Variants in FCRL3 observed in about 807,000 individuals in gnomAD.
FCRL3 encodes Fc receptor like 3.
Under a neutral mutation model 75.0 loss-of-function variants are expected in FCRL3, and 89 were observed. The ratio of observed to expected loss-of-function variants is 1.19; its 90% confidence interval spans 1.00 to 1.42. FCRL3 has a LOEUF of 1.42. Ranked by LOEUF, FCRL3 falls within the 40% of genes most tolerant of loss-of-function variation. The probability of loss-of-function intolerance (pLI) is 0.00; values close to 1 mark genes in which losing one functional copy is unlikely to be tolerated. For missense variants in FCRL3, 946 were observed against 880.0 expected, an observed-to-expected ratio of 1.07 and a Z score of -0.95; for synonymous variants, 376 against 348.5, an observed-to-expected ratio of 1.08 and a Z score of -0.88.
intron 11 of FCRL3, 42 bp from the exon 12 acceptor site, chr1:157,681,141 G>A: frequency 1.5e-6 from 2 of 1,306,072 alleles, no homozygotes; most frequent in East Asian, 2.5e-5. Context: ...AGTATCTGTG[G>A]GTTACACAGA....
Position 157,695,441 on chromosome 1 carries a change from T to C in FCRL3, c.1299A>G (p.Gly433=), listed in dbSNP as rs1446573678. Residue 433 remains glycine (G), a synonymous_variant, in exon 8 of 15, where the codon GGA becomes GGG. Transcript: ENST00000368184. ...TCAGAGAGAGGTTGAAGGAGGCTCC[T>C]CCTCCAGAGGGGGCTGAGCTGTTCC... ...TLGNSSAPSG[G]GASFNLSLTA... The C allele has an allele frequency of 1.2e-6, 2 of 1,614,156 alleles. No individual in the cohort carries two copies. Among genetic ancestry groups the C allele is most frequent in the South Asian group, 2.2e-5 (2 of 91,084 alleles).
intron 10 of FCRL3, among the ~76,000 whole-genome samples, chr1:157,686,398 A>G (rs1655178821): frequency 6.6e-6 from 1 of 152,182 alleles, no homozygotes; most frequent in African/African-American, 2.4e-5. Flanking sequence ...TATTCCTATC[A>G]AATTACCAAT....
At chr1:157,698,008 C>G in intron 4 of FCRL3, 89 bp from the exon 5 acceptor site, 1 of 1,426,596 alleles carries the variant, frequency 7.0e-7, no homozygotes, top group Non-Finnish European at 9.4e-7. Flanking sequence ...AGCCACAGTT[C>G]TATACACACC....
At chr1:157,682,271 G>T (rs1479194808) in intron 11 of FCRL3, among the ~76,000 whole-genome samples, 2 of 152,096 alleles carry the variant, frequency 1.3e-5, no homozygotes, top group South Asian at 4.2e-4. Context: ...GTCAATTTTG[G>T]CTTTTGTTGC....
intron 11 of FCRL3, among the ~76,000 whole-genome samples, chr1:157,683,014 A>G (rs1419475851): frequency 1.3e-5 from 2 of 152,238 alleles, no homozygotes; most frequent in African/African-American, 4.8e-5. Context: ...AGCCAATAAC[A>G]TGTATTGTGT....
At chr1:157,686,614 G>T (rs545351009) in intron 10 of FCRL3, among the ~76,000 whole-genome samples, 5 of 152,140 alleles carry the variant, frequency 3.3e-5, no homozygotes, top group African/African-American at 1.2e-4. Flanking sequence ...GAATGGAATA[G>T]AAAACTCAGA....
Position 157,676,907 on chromosome 1 carries a change from TGGTTGGTACCCAAAACC to T in FCRL3, c.*1786_*1802del. The T allele has an allele frequency of 6.9e-7, 1 of 1,451,314 alleles. No individual in the cohort carries two copies. Among genetic ancestry groups the T allele is most frequent in the Non-Finnish European group, 9.0e-7 (1 of 1,105,398 alleles). 89.9% of individuals were successfully genotyped at this position (1,451,314 alleles called of 1,614,324 possible). On this transcript the variant is annotated 3_prime_UTR_variant, in exon 15 of 15. Transcript: ENST00000368184. Reference sequence around the variant, plus strand: ...AGGAGAGCCTCCATATACAGCCTGGTGGTTGGTACCCAAAACCGGTTTACATATTTTCACCATAGAGA... The same window carrying T: ...AGGAGAGCCTCCATATACAGCCTGGTGGTTTACATATTTTCACCATAGAGA...
chr1:157,700,317 G>A, intron 2 of FCRL3, 142 bp downstream of exon 2: 1 of 1,278,310 alleles, frequency 7.8e-7, no homozygotes, highest in Non-Finnish European at 1.1e-6. Flanking sequence ...TGGTTGTCCA[G>A]GGAACCCAGC....
rs575292553 is a variant in FCRL3 at position 157,677,005 on chromosome 1, C to T, written c.*1705G>A. ...CAGAGACATTTGCCTCCTCCCTCTT[C>T]AAGGGACCTTAAAATTTTAATGCCA... On this transcript the variant is annotated 3_prime_UTR_variant, in exon 15 of 15. Transcript: ENST00000368184. 1.9e-4 allele frequency: 244 copies of T among 1,307,410 alleles called. No homozygotes were observed. The highest frequency in any genetic ancestry group is 2.3e-4 in the Non-Finnish European group (233 of 1,019,976). The allele number at this position is 1,307,410 out of a possible 1,614,324, so 81.0% of individuals were successfully genotyped here. A position where few individuals can be genotyped will look rare whatever the true frequency, so the allele number is the denominator to read the frequency against.
intron 10 of FCRL3, 139 bp from the exon 11 acceptor site, chr1:157,683,383 C>T: frequency 1.0e-6 from 1 of 996,776 alleles, no homozygotes; most frequent in East Asian, 2.6e-5. Flanking sequence ...CAGCTCCACC[C>T]TCCTTACTCC....
intron 10 of FCRL3, among the ~76,000 whole-genome samples, chr1:157,686,327 T>C (rs1403254764): frequency 1.3e-5 from 2 of 152,088 alleles, no homozygotes; most frequent in African/African-American, 2.4e-5. Context: ...TGCTCATAGA[T>C]TGGAAGAATT....
At chr1:157,697,005 G>A (rs1228594280) in intron 6 of FCRL3, 135 bp downstream of exon 6, 1 of 877,890 alleles carries the variant, frequency 1.1e-6, no homozygotes, top group Non-Finnish European at 1.5e-6. Context: ...CCAACGTTGA[G>A]CTTAAAGAGA....
chr1:157,689,779 G>A lies in FCRL3; in HGVS notation c.1810+19C>T, dbSNP rs77159193. On this transcript the variant is annotated intron_variant, in intron 10 of 14. Coordinates refer to ENST00000368184, the MANE Select transcript of FCRL3 (RefSeq NM_052939.4). ...AGCAACGGCAAAATCACATCACAAG[G>A]TAGGACCTAGACACCCACCTGGTTT... 3,178 of 1,613,962 alleles carry A rather than the reference G, an allele frequency of 2.0e-3. 61 individuals carry two copies. The African/African-American group carries it at 0.035, about 18-fold the overall frequency.
chr1:157,698,673 G>T (rs371348376), intron 3 of FCRL3, 44 bp from the exon 4 acceptor site: 3 of 1,608,484 alleles, frequency 1.9e-6, no homozygotes, highest in Non-Finnish European at 2.6e-6. Context: ...AGGTCAATGG[G>T]AGGTGGGCAC....
At chr1:157,694,466 A>G (rs1655762308) in intron 8 of FCRL3, among the ~76,000 whole-genome samples, 1 of 152,184 alleles carries the variant, frequency 6.6e-6, no homozygotes. Context: ...TCATTGGAGA[A>G]CAAGAGTCCA....
intron 7 of FCRL3, 123 bp from the exon 8 acceptor site, chr1:157,695,730 A>G: frequency 8.4e-7 from 1 of 1,185,510 alleles, no homozygotes; most frequent in South Asian, 1.7e-5. Flanking sequence ...CCCACTGATC[A>G]CATTTTTCTT....
At chr1:157,683,076 A>T in intron 11 of FCRL3, 141 bp downstream of exon 11, 1 of 860,016 alleles carries the variant, frequency 1.2e-6, no homozygotes, top group Non-Finnish European at 1.8e-6. Flanking sequence ...AGTGACATTC[A>T]CTTATATCTA....
At position 157,698,399 on chromosome 1, in the gene FCRL3, C is replaced by T. The variant is rs1028858716; in HGVS notation, c.283G>A (p.Val95Met). The T allele has an allele frequency of 1.2e-6, 2 of 1,614,210 alleles. No individual in the cohort carries two copies. The highest frequency in any genetic ancestry group is 1.7e-6 in the Non-Finnish European group (2 of 1,180,012). The change falls in exon 4 of 15, where the codon GTG (valine) becomes ATG (methionine). Residue 95 changes from valine (V) to methionine (M), a missense_variant. Coordinates refer to ENST00000368184, the MANE Select transcript of FCRL3 (RefSeq NM_052939.4). The part of the protein sequence containing the change: ...RGSSLSDAVH[V>M]EFSPDWLILQ... The stretch of plus-strand genomic sequence containing the variant: ...CATTCCTCACCAGGTGAAAATTCCA[C>T]ATGCACGGCATCACTGAGGGAGGAT...
intron 10 of FCRL3, among the ~76,000 whole-genome samples, chr1:157,685,735 A>T (rs1027117688): frequency 1.3e-5 from 2 of 152,200 alleles, no homozygotes; most frequent in Non-Finnish European, 2.9e-5. Context: ...TTTTTAAAAA[A>T]TCATACCAAG....
Sources: gnomAD v4.1 joint callset for allele counts (sites outside exome capture counted in the v4.1 genomes callset) on GRCh38, gnomAD v4.1.1 for gene constraint, MANE v1.5 for transcripts, NCBI Gene and HGNC (gene_info 2026-07-23, HGNC 2026-07-21) for gene names.